Variants in ANK1 observed in about 807,000 individuals in gnomAD.
ANK1 encodes the protein ankyrin 1.
ANK1 carries 51 observed loss-of-function variants against 210.4 expected under a neutral mutation model. The observed-to-expected ratio is 0.24, with a 90% confidence interval of 0.19 to 0.31. The LOEUF (loss-of-function observed/expected upper bound fraction) is 0.31, where lower values mean the gene tolerates loss of function less well. Among genes scored for constraint, ANK1 ranks in the 10% least tolerant of loss-of-function variants. The pLI, the probability that ANK1 is intolerant of heterozygous loss-of-function variation, is 1.00. For synonymous variants in ANK1, 967 were observed against 1,025.9 expected, an observed-to-expected ratio of 0.94 and a Z score of 1.10; for missense variants, 2,051 against 2,504.4, an observed-to-expected ratio of 0.82 and a Z score of 3.86.
chr8:41,808,965 T>C (rs962348144), intron 1 of ANK1, among the ~76,000 whole-genome samples: 1 of 152,190 alleles, frequency 6.6e-6, no homozygotes, highest in Non-Finnish European at 1.5e-5. Flanking sequence ...TTTGTTGTTA[T>C]TATGTTTTAA....
chr8:41,771,448 A>G (rs1842937241), intron 1 of ANK1, among the ~76,000 whole-genome samples: 2 of 152,202 alleles, frequency 1.3e-5, no homozygotes, highest in African/African-American at 2.4e-5. Flanking sequence ...CTCCATCTGC[A>G]TTTTGTTCAT....
At chr8:41,722,883 GC>G (rs1829633273) in intron 9 of ANK1, among the ~76,000 whole-genome samples, 1 of 152,168 alleles carries the variant, frequency 6.6e-6, no homozygotes, top group African/African-American at 2.4e-5. Flanking sequence ...ACCACGGCCT[GC>G]AAAGCCTAAA....
chr8:41,883,070 C>T (rs144779416), intron 1 of ANK1, among the ~76,000 whole-genome samples: 9 of 152,324 alleles, frequency 5.9e-5, no homozygotes, highest in Non-Finnish European at 1.0e-4. Flanking sequence ...TACACAGGCT[C>T]AGCGAGAGAC....
chr8:41,828,990 A>T (rs1806052077), intron 1 of ANK1: 1 of 152,284 alleles, frequency 6.6e-6, no homozygotes, highest in Non-Finnish European at 1.5e-5. Flanking sequence ...CCTCTAGGCC[A>T]TCTTGATTCC....
chr8:41,718,871 A>AGACCACAAATATC (rs1411648460), intron 10 of ANK1, among the ~76,000 whole-genome samples: 1 of 152,180 alleles, frequency 6.6e-6, no homozygotes, highest in Non-Finnish European at 1.5e-5. Context: ...ACAACACACA[A>AGACCACAAATATC]GACCACAAAT....
intron 1 of ANK1, among the ~76,000 whole-genome samples, chr8:41,764,138 A>C (rs1204539907): frequency 1.4e-5 from 2 of 144,110 alleles, no homozygotes; most frequent in Non-Finnish European, 3.1e-5. Flanking sequence ...TGAATAATCA[A>C]GCAATTGTGT....
chr8:41,732,721 T>TTTTA (rs567797795), intron 3 of ANK1, among the ~76,000 whole-genome samples: 12 of 151,078 alleles, frequency 7.9e-5, no homozygotes, highest in South Asian at 6.3e-4. Flanking sequence ...CCTTGTTTCG[T>TTTTA]TTTATTTATT....
chr8:41,841,696 G>A (rs1236637476), intron 1 of ANK1, among the ~76,000 whole-genome samples: 5 of 152,140 alleles, frequency 3.3e-5, no homozygotes, highest in African/African-American at 1.2e-4. Flanking sequence ...TACACACAGG[G>A]GTTTTTTTTT....
At chr8:41,703,971 TAGGGGAGTTCACAC>T in intron 20 of ANK1, 56 bp downstream of exon 20, 1 of 1,408,026 alleles carries the variant, frequency 7.1e-7, no homozygotes, top group Non-Finnish European at 1.0e-6. Flanking sequence ...CCTCTACGGT[TAGGGGAGTTCACAC>T]AGGGCTGCTG....
rs1804848380 is a variant in ANK1 at position 41,653,886 on chromosome 8, G to C, written c.*1904C>G. On this transcript the variant is annotated 3_prime_UTR_variant, in exon 43 of 43. Coordinates refer to ENST00000289734, the MANE Select transcript of ANK1 (RefSeq NM_000037.4). ...GCCCGCCCCTCTAAAGGAAGCAAAA[G>C]CAGCCCCACCCCCGGCCGACAAGGC... 1 of 152,200 alleles carries C rather than the reference G, an allele frequency of 6.6e-6. No homozygotes were observed. Among genetic ancestry groups the C allele is most frequent in the Non-Finnish European group, 1.5e-5 (1 of 68,058 alleles). 9.4% of individuals were successfully genotyped at this position (152,200 alleles called of 1,614,324 possible).
At chr8:41,834,261 C>T (rs573638753) in intron 1 of ANK1, among the ~76,000 whole-genome samples, 1 of 152,226 alleles carries the variant, frequency 6.6e-6, no homozygotes, top group Non-Finnish European at 1.5e-5. Context: ...GGGCAGAAAG[C>T]AGGGGTAGGA....
At chr8:41,850,051 C>T (rs1810932310) in intron 1 of ANK1, among the ~76,000 whole-genome samples, 1 of 152,048 alleles carries the variant, frequency 6.6e-6, no homozygotes, top group Non-Finnish European at 1.5e-5. Context: ...CGACCGCTCC[C>T]ACACATGAGA....
chr8:41,766,044 C>T (rs926501942), intron 1 of ANK1, among the ~76,000 whole-genome samples: 21 of 152,214 alleles, frequency 1.4e-4, no homozygotes, highest in African/African-American at 4.8e-4. Context: ...CGAATGGAAA[C>T]TGAGCTAATA....
intron 1 of ANK1, among the ~76,000 whole-genome samples, chr8:41,878,494 C>T (rs1816998913): frequency 6.6e-6 from 1 of 152,136 alleles, no homozygotes; most frequent in Admixed American, 6.5e-5. Context: ...TCTGGACATC[C>T]CAGAAGCCAT....
In ANK1 at chr8:41,695,227, C is replaced by T. The variant is rs974813554; in HGVS notation, c.3065G>A (p.Ser1022Asn). ...ENGSVWKEHR[S>N]RYGESYLDQI... ...ATCCAGGTAGCTCTCTCCATAGCGG[C>T]TCCTGTGCTCCTTCCACACGGAGCC... The change falls in exon 27 of 43, where the codon AGC becomes AAC. Residue 1022 changes from serine to asparagine, a missense_variant. Physicochemically the swap from Ser to Asn is conservative, Grantham distance 46. Transcript: ENST00000289734. 8 of 1,614,056 alleles carry T rather than the reference C, an allele frequency of 5.0e-6. No individual in the cohort carries two copies. Among genetic ancestry groups the T allele is most frequent in the African/African-American group, 4.0e-5 (3 of 74,938 alleles).
chr8:41,892,801 T>G (rs1265474906), intron 1 of ANK1, among the ~76,000 whole-genome samples: 1 of 152,190 alleles, frequency 6.6e-6, no homozygotes, highest in Non-Finnish European at 1.5e-5. Flanking sequence ...ATTCACTCAT[T>G]CAACCATTCA....
At chr8:41,702,567 A>G (rs1268452027) in intron 20 of ANK1, among the ~76,000 whole-genome samples, 1 of 152,228 alleles carries the variant, frequency 6.6e-6, no homozygotes, top group Non-Finnish European at 1.5e-5. Context: ...GTGATGGGGT[A>G]TTAAAATAGT....
chr8:41,794,208 A>G (rs113891554), intron 1 of ANK1, among the ~76,000 whole-genome samples: 9,530 of 152,152 alleles, frequency 0.063, 975 homozygotes, highest in African/African-American at 0.21. Flanking sequence ...CCCCACATCA[A>G]TGTACAAAGC....
Position 41,708,931 on chromosome 8 carries a change from C to T in ANK1, c.1845G>A (p.Val615=), listed in dbSNP as rs1825417869. The T allele has an allele frequency of 6.2e-7, 1 of 1,614,002 alleles. No individual in the cohort carries two copies. The highest frequency in any genetic ancestry group is 1.7e-5 in the Admixed American group (1 of 60,012). ...ACTGCAGCAGACTACGGGCCACCTCCACCTGGTTCTGCTTGGCAGCGATGT... is the reference window on the plus strand; with the variant it reads ...ACTGCAGCAGACTACGGGCCACCTCTACCTGGTTCTGCTTGGCAGCGATGT... The part of the protein sequence containing the change: ...PLHIAAKQNQ[V]EVARSLLQYG... The change falls in exon 17 of 43, where the codon GTG becomes GTA. Residue 615 remains valine (V), a synonymous_variant. Coordinates refer to ENST00000289734, the MANE Select transcript of ANK1 (RefSeq NM_000037.4).
Sources: gnomAD v4.1 joint callset for allele counts (sites outside exome capture counted in the v4.1 genomes callset) on GRCh38, gnomAD v4.1.1 for gene constraint, MANE v1.5 for transcripts, NCBI Gene and HGNC (gene_info 2026-07-23, HGNC 2026-07-21) for gene names.